Variants in NR2C1 observed in about 807,000 individuals in gnomAD.
NR2C1 encodes nuclear receptor subfamily 2 group C member 1.
Under a neutral mutation model 74.8 loss-of-function variants are expected in NR2C1, and 33 were observed. That is an observed-to-expected ratio of 0.44 (90% confidence interval 0.33 to 0.59). The LOEUF (loss-of-function observed/expected upper bound fraction) is 0.59, where lower values mean the gene tolerates loss of function less well. NR2C1 is among the 20% of genes least tolerant of loss of function. The probability of loss-of-function intolerance (pLI) is 0.02; values close to 1 mark genes in which losing one functional copy is unlikely to be tolerated. For synonymous variants in NR2C1, 225 were observed against 240.6 expected, an observed-to-expected ratio of 0.94 and a Z score of 0.60; for missense variants, 568 against 715.6, an observed-to-expected ratio of 0.79 and a Z score of 2.35.
rs1868681787 is a variant in NR2C1, at chr12:95,020,571, T to C, written c.*1658A>G. ...TCCCTTAGTAAACTGGTAAAGACTG[T>C]AAGTTGATATTTTCAAACTTTTGAT... On this transcript the variant is annotated 3_prime_UTR_variant, in exon 14 of 14. Transcript: ENST00000333003. The C allele has an allele frequency of 6.6e-6, 1 of 152,194 alleles. No individual in the cohort carries two copies. Among genetic ancestry groups the C allele is most frequent in the South Asian group, 2.1e-4 (1 of 4,832 alleles). The allele number at this position is 152,194 out of a possible 1,614,324, so 9.4% of individuals were successfully genotyped here. A position where few individuals can be genotyped will look rare whatever the true frequency, so the allele number is the denominator to read the frequency against.
At chr12:95,034,417 T>C (rs1592733754) in intron 10 of NR2C1, among the ~76,000 whole-genome samples, 1 of 152,332 alleles carries the variant, frequency 6.6e-6, no homozygotes, top group Middle Eastern at 3.4e-3. Flanking sequence ...TCATTAAAGA[T>C]GGATAAAATC....
At chr12:95,059,682 G>A (rs1874449726) in intron 4 of NR2C1, among the ~76,000 whole-genome samples, 1 of 152,178 alleles carries the variant, frequency 6.6e-6, no homozygotes, top group Non-Finnish European at 1.5e-5. Context: ...CTGCATTCCA[G>A]CCGGAGCAAC....
chr12:95,055,952 CA>C (rs3048563), intron 7 of NR2C1, among the ~76,000 whole-genome samples: 1,473 of 56,470 alleles, frequency 0.026, 22 homozygotes, highest in East Asian at 0.21. Flanking sequence ...GACTCCGTCT[CA>C]AAAAAAAAAA....
chr12:95,063,963 A>G (rs930099485), intron 2 of NR2C1, among the ~76,000 whole-genome samples: 1 of 135,254 alleles, frequency 7.4e-6, no homozygotes, highest in African/African-American at 2.8e-5. Flanking sequence ...CTGGAGGCGG[A>G]GGTTGCAGTG....
chr12:95,045,073 T>C (rs181062704), intron 9 of NR2C1, among the ~76,000 whole-genome samples: 1 of 152,250 alleles, frequency 6.6e-6, no homozygotes, highest in Non-Finnish European at 1.5e-5. Context: ...AGTTAGGAGA[T>C]CTGGATTCTG....
chr12:95,047,123 T>A (rs964541014), intron 9 of NR2C1, among the ~76,000 whole-genome samples: 1 of 152,192 alleles, frequency 6.6e-6, no homozygotes, highest in Non-Finnish European at 1.5e-5. Flanking sequence ...TCCTTTTCCC[T>A]CACAATGGGT....
chr12:95,022,055 G>A lies in NR2C1; in HGVS notation c.*174C>T. On this transcript the variant is annotated 3_prime_UTR_variant, in exon 14 of 14. Coordinates refer to ENST00000333003, the MANE Select transcript of NR2C1 (RefSeq NM_003297.4). ...AGGAAGAAAAATTCATTTAATTTCTGCTGCCTGCCCAGTCACTTCAAAAAT... is the reference window on the plus strand; with the variant it reads ...AGGAAGAAAAATTCATTTAATTTCTACTGCCTGCCCAGTCACTTCAAAAAT... 1 of 468,598 alleles carries A rather than the reference G, an allele frequency of 2.1e-6. No individual in the cohort carries two copies. The highest frequency in any genetic ancestry group is 3.7e-6 in the Non-Finnish European group (1 of 271,696). 29.0% of individuals were successfully genotyped at this position (468,598 alleles called of 1,614,324 possible).
rs377215087 is a variant in NR2C1 at position 95,068,918 on chromosome 12, G to A, written c.-7-1527C>T. ...GCAGAGGCTGTGGTGAGCCAAGATC[G>A]TGCCACTGCACTCCAGCCTGGGTGA... On this transcript the variant is annotated intron_variant, in intron 1 of 13. Transcript: ENST00000333003. Among the ~76,000 whole-genome samples, 41 of 152,078 alleles carry A rather than the reference G, an allele frequency of 2.7e-4. 4 individuals are homozygous for A. The highest frequency in any genetic ancestry group is 1.5e-3 in the East Asian group (8 of 5,174).
At chr12:95,045,192 T>A (rs1872156366) in intron 9 of NR2C1, among the ~76,000 whole-genome samples, 1 of 152,226 alleles carries the variant, frequency 6.6e-6, no homozygotes, top group African/African-American at 2.4e-5. Flanking sequence ...TAAGTGCTAT[T>A]GTCTCAGTGG....
intron 2 of NR2C1, among the ~76,000 whole-genome samples, chr12:95,066,394 C>A (rs1458397964): frequency 2.0e-5 from 3 of 152,142 alleles, no homozygotes; most frequent in South Asian, 2.1e-4. Context: ...CACAAAAAAT[C>A]AGCCGGAAAC....
intron 8 of NR2C1, among the ~76,000 whole-genome samples, chr12:95,050,632 CTT>C (rs771602099): frequency 9.8e-4 from 148 of 150,706 alleles, no homozygotes; most frequent in Middle Eastern, 6.8e-3. Context: ...TTTATCATAT[CTT>C]TTTTTTTCCT....
At position 95,030,806 on chromosome 12, in the gene NR2C1, G is replaced by T. The variant is rs747976903; in HGVS notation, c.1393+543C>A. The T allele has an allele frequency of 1.1e-5, 17 of 1,613,402 alleles. No homozygotes were observed. The South Asian group carries it at 1.9e-4, about 18-fold the overall frequency. ...TTGGGTAGTCATAAGCCATTCTATA[G>T]TTAAGCATTTATAAATCAGTGATTG... On this transcript the variant is annotated intron_variant, in intron 11 of 13. Coordinates refer to ENST00000333003, the MANE Select transcript of NR2C1 (RefSeq NM_003297.4).
chr12:95,048,995 T>C, intron 9 of NR2C1, 73 bp downstream of exon 9: 2 of 1,349,886 alleles, frequency 1.5e-6, no homozygotes, highest in South Asian at 1.3e-5. Context: ...ACAACAAACA[T>C]ACTTTGATTT....
intron 3 of NR2C1, among the ~76,000 whole-genome samples, chr12:95,061,204 G>A (rs1209622147): frequency 6.6e-6 from 1 of 152,196 alleles, no homozygotes; most frequent in South Asian, 2.1e-4. Flanking sequence ...AGCCTCAGGA[G>A]ACATGTCAAC....
chr12:95,028,633 A>AT (rs1464471447), intron 11 of NR2C1, 109 bp from the exon 12 acceptor site: 20 of 806,568 alleles, frequency 2.5e-5, no homozygotes, highest in Middle Eastern at 3.7e-4. Context: ...TAATTCTTAA[A>AT]TTTTTTTTGA....
intron 4 of NR2C1, among the ~76,000 whole-genome samples, chr12:95,058,913 C>T (rs1483035473): frequency 6.6e-6 from 1 of 152,112 alleles, no homozygotes; most frequent in African/African-American, 2.4e-5. Flanking sequence ...CAGGCATGAG[C>T]CATCTCACCT....
intron 7 of NR2C1, among the ~76,000 whole-genome samples, chr12:95,057,121 T>G (rs1355591755): frequency 3.9e-5 from 5 of 127,612 alleles, no homozygotes; most frequent in African/African-American, 1.4e-4. Context: ...TTTTTTTTTT[T>G]GAGACAGAGT....
chr12:95,039,012 T>C (rs758255100), intron 10 of NR2C1, among the ~76,000 whole-genome samples: 3 of 152,092 alleles, frequency 2.0e-5, no homozygotes, highest in African/African-American at 4.8e-5. Context: ...TATAGGAGGA[T>C]TGCTTGAGCC....
At chr12:95,056,398 C>T (rs1387248350) in intron 7 of NR2C1, among the ~76,000 whole-genome samples, 1 of 152,174 alleles carries the variant, frequency 6.6e-6, no homozygotes, top group Non-Finnish European at 1.5e-5. Flanking sequence ...AGAAACTCTT[C>T]ATGTTCAATT....
Sources: allele counts gnomAD v4.1 joint callset (sites outside exome capture counted in the v4.1 genomes callset), GRCh38; gene constraint gnomAD v4.1.1; transcripts MANE v1.5; gene names NCBI Gene and HGNC (gene_info 2026-07-23, HGNC 2026-07-21).